GDAP1: variants seen among roughly 807,000 people sequenced by gnomAD.
The protein encoded by GDAP1 is ganglioside-induced differentiation-associated protein 1.
Under a neutral mutation model 40.1 loss-of-function variants are expected in GDAP1, and 34 were observed. That is an observed-to-expected ratio of 0.85 (90% CI 0.64 to 1.13). The LOEUF is 1.13. GDAP1 is among the 50% of genes most tolerant of loss of function. The probability of loss-of-function intolerance (pLI) is 0.00; values close to 1 mark genes in which losing one functional copy is unlikely to be tolerated. For missense variants in GDAP1, 374 were observed against 433.7 expected (o/e 0.86, Z 1.22); for synonymous variants, 170 against 157.4 (o/e 1.08, Z -0.60).
At chr8:74,443,932 G>T (rs758949184) in intron 2 of GDAP1, among the ~76,000 whole-genome samples, 22 of 151,792 alleles carry the variant, frequency 1.4e-4, no homozygotes, top group Non-Finnish European at 2.7e-4. Flanking sequence ...ATTCACACTT[G>T]TTTCCTTCCT....
chr8:74,463,729 A>G (rs1174360205), intron 2 of GDAP1, among the ~76,000 whole-genome samples: 1 of 152,266 alleles, frequency 6.6e-6, no homozygotes, highest in African/African-American at 2.4e-5. Context: ...AACTAAACAT[A>G]TGTAGAAATT....
At chr8:74,445,043 T>C (rs1459106513) in intron 2 of GDAP1, among the ~76,000 whole-genome samples, 1 of 152,192 alleles carries the variant, frequency 6.6e-6, no homozygotes, top group Non-Finnish European at 1.5e-5. Context: ...GTTCTTTGTT[T>C]TCCTTTGTAT....
At position 74,477,497 on chromosome 8, in the gene GDAP1, G is replaced by A. The variant is rs114202315; in HGVS notation, c.166-11181G>A. 3.3e-3 allele frequency among the ~76,000 whole-genome samples: 501 copies of A among 151,962 alleles called. 2 individuals carry two copies. The highest frequency in any genetic ancestry group is 0.012 in the African/African-American group (482 of 41,424). On this transcript the variant is annotated intron_variant, in intron 2 of 2. Transcript: ENST00000523640. ...TTTAATTCTATTTGATGACCTTGGG[G>A]GTTTGTGGTATAAAGTGAACTCAGT...
rs773719264 is a variant in GDAP1, at chr8:74,363,987, G to A, written c.697G>A (p.Glu233Lys). 8.1e-6 allele frequency: 13 copies of A among 1,613,888 alleles called. No individual in the cohort carries two copies. The South Asian group carries it at 1.2e-4, about 15-fold the overall frequency. The change falls in exon 6 of 6, where the codon GAG (glutamate) becomes AAG (lysine). Residue 233 changes from glutamate (E) to lysine (K), a missense_variant and splice_region_variant. Coordinates refer to ENST00000220822, the MANE Select transcript of GDAP1 (RefSeq NM_018972.4). ...LQRRNEETPE[E>K]GQQPWLCGES... ...TCTATGTCCCTTTCTCTAATTAGAA[G>A]AGGGCCAGCAACCTTGGCTCTGCGG...
At chr8:74,486,121 T>C (rs1193263118) in intron 2 of GDAP1, among the ~76,000 whole-genome samples, 5 of 152,226 alleles carry the variant, frequency 3.3e-5, no homozygotes, top group Non-Finnish European at 5.9e-5. Flanking sequence ...CATAGGCTGA[T>C]AGGATTCTTG....
chr8:74,486,399 A>G (rs1056962501), intron 2 of GDAP1, among the ~76,000 whole-genome samples: 1 of 152,162 alleles, frequency 6.6e-6, no homozygotes, highest in Non-Finnish European at 1.5e-5. Context: ...GGTTTCCTTC[A>G]CATGTCTAGC....
chr8:74,356,194 T>C (rs1809084446), intron 2 of GDAP1, among the ~76,000 whole-genome samples: 1 of 152,118 alleles, frequency 6.6e-6, no homozygotes, highest in African/African-American at 2.4e-5. Context: ...AATATCAGTC[T>C]TTGATTATTG....
At chr8:74,411,404 T>C (rs1805708020) in intron 2 of GDAP1, among the ~76,000 whole-genome samples, 1 of 149,794 alleles carries the variant, frequency 6.7e-6, no homozygotes, top group Admixed American at 6.6e-5. Context: ...GCAATCTGAA[T>C]GTTATGTTAT....
chr8:74,383,305 C>G (rs1390660603), intron 2 of GDAP1, among the ~76,000 whole-genome samples: 1 of 152,200 alleles, frequency 6.6e-6, no homozygotes, highest in Non-Finnish European at 1.5e-5. Flanking sequence ...TTCAGCCCAG[C>G]ATTTAACTCA....
intron 2 of GDAP1, among the ~76,000 whole-genome samples, chr8:74,387,146 T>C (rs1810037272): frequency 6.6e-6 from 1 of 152,216 alleles, no homozygotes. Flanking sequence ...TTCTACTTTC[T>C]CTCTCCCTAT....
At chr8:74,373,053 A>T (rs183607756) in intron 2 of GDAP1, among the ~76,000 whole-genome samples, 281 of 152,316 alleles carry the variant, frequency 1.8e-3, no homozygotes, top group Non-Finnish European at 2.5e-3. Context: ...AGGTTTGTCA[A>T]AGATCAGATG....
intron 2 of GDAP1, among the ~76,000 whole-genome samples, chr8:74,407,298 A>T (rs1315853237): frequency 1.3e-5 from 2 of 149,762 alleles, no homozygotes; most frequent in Non-Finnish European, 2.9e-5. Context: ...ACTTGATTGA[A>T]TCGAAGTATT....
At chr8:74,431,643 G>A (rs1806027684) in intron 2 of GDAP1, among the ~76,000 whole-genome samples, 2 of 151,890 alleles carry the variant, frequency 1.3e-5, no homozygotes, top group African/African-American at 2.4e-5. Context: ...CACTGCACCC[G>A]GCTAATTTTT....
intron 2 of GDAP1, among the ~76,000 whole-genome samples, chr8:74,435,380 A>C (rs1184248817): frequency 6.6e-6 from 1 of 152,226 alleles, no homozygotes; most frequent in African/African-American, 2.4e-5. Context: ...ACACACTAGT[A>C]TGCGCATTTA....
In GDAP1 at chr8:74,427,451, C is replaced by G. The variant is rs1313534694; in HGVS notation, c.166-61227C>G. Among the ~76,000 whole-genome samples the G allele has an allele frequency of 3.3e-5, 5 of 152,118 alleles. No homozygotes were observed. In the East Asian group the frequency reaches 9.6e-4, roughly 29 times the overall value. On this transcript the variant is annotated intron_variant, in intron 2 of 2. Coordinates refer to the GDAP1 transcript ENST00000523640. ...TGGTAGAACCTATAAAAGCTTATGA[C>G]ACATGACTCAATGGTGGATACATGA...
chr8:74,445,178 C>T (rs889799270), intron 2 of GDAP1, among the ~76,000 whole-genome samples: 45 of 152,242 alleles, frequency 3.0e-4, no homozygotes, highest in Admixed American at 9.8e-4. Flanking sequence ...CCCTTGCTTC[C>T]AGGAAAGATA....
At chr8:74,443,852 C>T (rs1352472226) in intron 2 of GDAP1, among the ~76,000 whole-genome samples, 1 of 152,102 alleles carries the variant, frequency 6.6e-6, no homozygotes, top group Non-Finnish European at 1.5e-5. Flanking sequence ...TGTCTATCCA[C>T]ATTTAAATAT....
intron 2 of GDAP1, among the ~76,000 whole-genome samples, chr8:74,372,636 GT>G (rs1227407543): frequency 3.9e-5 from 6 of 152,120 alleles, no homozygotes; most frequent in Non-Finnish European, 1.5e-5. Context: ...TTGTAAATTT[GT>G]TTGAGTTCTT....
chr8:74,357,642 G>A (rs150087966), intron 2 of GDAP1, among the ~76,000 whole-genome samples: 3 of 152,250 alleles, frequency 2.0e-5, no homozygotes, highest in East Asian at 1.9e-4. Context: ...CCGGCAAGTC[G>A]GATCTTGTGC....
Sources: allele counts gnomAD v4.1 joint callset (sites outside exome capture counted in the v4.1 genomes callset), GRCh38; gene constraint gnomAD v4.1.1; transcripts MANE v1.5; gene names NCBI Gene and HGNC (gene_info 2026-07-23, HGNC 2026-07-21).